The following SLC35A3 variants were observed in gnomAD, a reference collection of about 807,000 sequenced individuals.
The protein encoded by SLC35A3 is UDP-N-acetylglucosamine transporter.
SLC35A3 carries 26 observed loss-of-function variants against 39.0 expected under a neutral mutation model. The observed-to-expected ratio is 0.67, with a 90% CI of 0.49 to 0.92. The LOEUF (loss-of-function observed/expected upper bound fraction) is 0.92. SLC35A3 is among the 40% of genes least tolerant of loss of function. The pLI is 0.00. For synonymous variants in SLC35A3, 135 were observed against 133.1 expected (o/e 1.01, Z -0.10); for missense variants, 299 against 371.6 (o/e 0.80, Z 1.61).
Position 100,020,763 on chromosome 1 carries a change from G to A in SLC35A3, c.888-1623G>A, listed in dbSNP as rs1660478026. Among the ~76,000 whole-genome samples the A allele has an allele frequency of 2.0e-5, 3 of 152,070 alleles. No homozygotes were observed. The South Asian group carries it at 6.2e-4, about 32-fold the overall frequency. ...AGTTCTGCCTAGGGGAGTGAGTCTT[G>A]GAGACATTAGACCTGAATTATTATG... On this transcript the variant is annotated intron_variant, in intron 7 of 7. Coordinates refer to ENST00000533028, the MANE Select transcript of SLC35A3 (RefSeq NM_012243.3).
intron 7 of SLC35A3, among the ~76,000 whole-genome samples, chr1:100,020,526 T>C (rs1247656773): frequency 6.6e-6 from 1 of 152,232 alleles, no homozygotes; most frequent in East Asian, 1.9e-4. Flanking sequence ...CTAATAACCT[T>C]ATATGTATAA....
Position 100,017,810 on chromosome 1 carries a change from A to G in SLC35A3, c.882A>G (p.Pro294=). Reference sequence around the variant, plus strand: ...ATTTTTGGCTTCAAGATTTTGTGCCAACCAGGTAAAATGTTCTTTTCTATT... The same window carrying G: ...ATTTTTGGCTTCAAGATTTTGTGCCGACCAGGTAAAATGTTCTTTTCTATT... The part of the protein sequence containing the change: ...ISYFWLQDFV[P]TSVFFLGAIL... Residue 294 remains proline, a synonymous_variant, in exon 7 of 8, where the codon CCA becomes CCG. Coordinates refer to ENST00000533028, the MANE Select transcript of SLC35A3 (RefSeq NM_012243.3). The G allele has an allele frequency of 6.4e-7, 1 of 1,556,278 alleles. No individual in the cohort carries two copies. The highest frequency in any genetic ancestry group is 8.7e-7 in the Non-Finnish European group (1 of 1,154,520).
rs115495492 is a variant in SLC35A3 at position 100,028,378 on chromosome 1, C to G, written c.*5902C>G. On this transcript the variant is annotated 3_prime_UTR_variant, in exon 8 of 8. Transcript: ENST00000533028. ...TCCTCCCGTTGCCTAGGCTGGAGTG[C>G]GGTGACACAATCTTGGCTCACTGCA... The G allele has an allele frequency of 0.048, 7,338 of 152,334 alleles. 204 individuals are homozygous for G. The highest frequency in any genetic ancestry group is 0.067 in the African/African-American group (2,772 of 41,484). The allele number at this position is 152,334 out of a possible 1,614,324, so 9.4% of individuals were successfully genotyped here. A position where few individuals can be genotyped will look rare whatever the true frequency, so the allele number is the denominator to read the frequency against.
At chr1:99,977,789 T>C (rs1377812876) in intron 1 of SLC35A3, among the ~76,000 whole-genome samples, 10 of 152,226 alleles carry the variant, frequency 6.6e-5, no homozygotes, top group Admixed American at 6.5e-4. Flanking sequence ...TCCTCCCATC[T>C]TGGTCTCCCA....
intron 4 of SLC35A3, chr1:100,007,364 A>G: frequency 2.3e-6 from 1 of 425,966 alleles, no homozygotes; most frequent in Non-Finnish European, 4.1e-6. Context: ...ATAAAATTAT[A>G]TTACCTACAG....
intron 1 of SLC35A3, among the ~76,000 whole-genome samples, chr1:99,973,310 A>C (rs1656923190): frequency 6.6e-6 from 1 of 152,234 alleles, no homozygotes; most frequent in Non-Finnish European, 1.5e-5. Flanking sequence ...ATTCATGAGT[A>C]TTAATTTATT....
chr1:99,989,191 T>C (rs891954858), intron 1 of SLC35A3, among the ~76,000 whole-genome samples: 1 of 152,232 alleles, frequency 6.6e-6, no homozygotes, highest in South Asian at 2.1e-4. Flanking sequence ...TGGTATCTCA[T>C]TGTGGTCTTA....
At chr1:100,009,538 TTGG>T (rs1659474134) in intron 4 of SLC35A3, 1 of 152,024 alleles carries the variant, frequency 6.6e-6, no homozygotes. Flanking sequence ...CACTGGAGAG[TTGG>T]AAGGGAGAGA....
At position 100,035,016 on chromosome 1, in the gene SLC35A3, A is replaced by T. The variant is rs945538746; in HGVS notation, c.*12540A>T. ...AGTTTCTGTTGATCCTAACCAAAAA[A>T]CCCTAACTGAGATATCAGTCTCTTA... is the stretch of plus-strand genomic sequence containing the variant. On this transcript the variant is annotated 3_prime_UTR_variant, in exon 8 of 8. Transcript: ENST00000533028. 1.3e-5 allele frequency: 2 copies of T among 152,110 alleles called. No homozygotes were observed. Among genetic ancestry groups the T allele is most frequent in the Non-Finnish European group, 2.9e-5 (2 of 68,018 alleles). The allele number at this position is 152,110 out of a possible 1,614,324, so 9.4% of individuals were successfully genotyped here.
At chr1:99,970,269 C>T in intron 1 of SLC35A3, 107 bp downstream of exon 1, 1 of 318,436 alleles carries the variant, frequency 3.1e-6, no homozygotes, top group East Asian at 5.4e-5. Flanking sequence ...TGCGAGGGGG[C>T]TGATGTGAAG....
chr1:99,992,368 T>A (rs1293818675), intron 1 of SLC35A3, among the ~76,000 whole-genome samples: 1 of 152,188 alleles, frequency 6.6e-6, no homozygotes, highest in Non-Finnish European at 1.5e-5. Flanking sequence ...TTGGCTGATA[T>A]TACTAAAGTT....
chr1:100,018,317 G>A (rs1156385953), intron 7 of SLC35A3, among the ~76,000 whole-genome samples: 1 of 152,102 alleles, frequency 6.6e-6, no homozygotes, highest in African/African-American at 2.4e-5. Flanking sequence ...GATAGCATCA[G>A]GAAAAATTGA....
At chr1:99,984,223 GAAGCCGGATA>G (rs1203635961) in intron 1 of SLC35A3, among the ~76,000 whole-genome samples, 44 of 152,268 alleles carry the variant, frequency 2.9e-4, no homozygotes, top group African/African-American at 9.9e-4. Context: ...ATAATATTTA[GAAGCCGGATA>G]ATTGATTCCC....
At chr1:99,995,152 CTT>C (rs763469884) in intron 2 of SLC35A3, among the ~76,000 whole-genome samples, 1 of 102,126 alleles carries the variant, frequency 9.8e-6, no homozygotes, top group South Asian at 3.5e-4. Context: ...TTCTTTCTTT[CTT>C]TCTTTCTTTT....
rs1255081973 is a variant in SLC35A3, at chr1:100,025,780, T to G, written c.*3304T>G. 2 of 152,200 alleles carry G rather than the reference T, an allele frequency of 1.3e-5. No homozygotes were observed. The highest frequency in any genetic ancestry group is 2.9e-5 in the Non-Finnish European group (2 of 68,022). The allele number at this position is 152,200 out of a possible 1,614,324, so 9.4% of individuals were successfully genotyped here. Reference sequence around the variant, plus strand: ...TCCTTCATTATTTAAATTCCTATACTTTTTATTTGTTATCACGCAACTACT... The same window carrying G: ...TCCTTCATTATTTAAATTCCTATACGTTTTATTTGTTATCACGCAACTACT... On this transcript the variant is annotated 3_prime_UTR_variant, in exon 8 of 8. Transcript: ENST00000533028.
chr1:99,988,820 C>G (rs568856295), intron 1 of SLC35A3, among the ~76,000 whole-genome samples: 1 of 151,660 alleles, frequency 6.6e-6, no homozygotes, highest in African/African-American at 2.4e-5. Flanking sequence ...GGCTAGAATA[C>G]AGCAGTTCAA....
intron 1 of SLC35A3, among the ~76,000 whole-genome samples, chr1:99,991,682 CT>C (rs1301593460): frequency 6.6e-6 from 1 of 152,188 alleles, no homozygotes; most frequent in African/African-American, 2.4e-5. Flanking sequence ...GTGATCATCA[CT>C]AGGAAAGCAG....
chr1:99,991,713 T>G (rs1658096704), intron 1 of SLC35A3, among the ~76,000 whole-genome samples: 1 of 152,202 alleles, frequency 6.6e-6, no homozygotes, highest in African/African-American at 2.4e-5. Context: ...AGACACTGCA[T>G]TAAGTCCTTC....
chr1:99,992,785 A>C (rs1658164603), intron 1 of SLC35A3, among the ~76,000 whole-genome samples: 2 of 152,114 alleles, frequency 1.3e-5, no homozygotes, highest in Non-Finnish European at 2.9e-5. Flanking sequence ...TGTTTCCTGA[A>C]CTTTTTGCAT....
Sources: gnomAD v4.1 joint callset for allele counts (sites outside exome capture counted in the v4.1 genomes callset) on GRCh38, gnomAD v4.1.1 for gene constraint, MANE v1.5 for transcripts, NCBI Gene and HGNC (gene_info 2026-07-23, HGNC 2026-07-21) for gene names.